Variants in RFC1 observed in about 807,000 individuals in gnomAD.
The protein encoded by RFC1 is A1 140 kDa subunit.
Under a neutral mutation model 137.4 loss-of-function variants are expected in RFC1, and 37 were observed. That is an observed-to-expected ratio of 0.27 (90% CI 0.21 to 0.35). RFC1 has a LOEUF of 0.35. Among genes scored for constraint, RFC1 ranks in the 10% least tolerant of loss-of-function variants. The pLI is 1.00. For synonymous variants in RFC1, 429 were observed against 455.7 expected (o/e 0.94, Z 0.75); for missense variants, 1,205 against 1,358.5 (o/e 0.89, Z 1.78).
In RFC1 at chr4:39,326,557, C is replaced by CA. The variant is rs1739777834; in HGVS notation, c.642+5dup. The CA allele has an allele frequency of 6.2e-7, 1 of 1,610,620 alleles. No homozygotes were observed. The highest frequency in any genetic ancestry group is 1.3e-5 in the African/African-American group (1 of 74,856). ...TTACTAATGATTCTAAGCAAAATGC[C>CA]AATACCTCCGCATCTTCATCAAGCT... On this transcript the variant is annotated splice_donor_region_variant and intron_variant, in intron 6 of 24. Transcript: ENST00000349703.
rs1004039007 is a variant in RFC1 at position 39,293,787 on chromosome 4, T to C, written c.2954+1827A>G. On this transcript the variant is annotated intron_variant, in intron 22 of 24. Coordinates refer to ENST00000349703, the MANE Select transcript of RFC1 (RefSeq NM_002913.5). The stretch of plus-strand genomic sequence containing the variant: ...CTACATGGAGTCTAGCGGGAGCATC[T>C]GAGAGGGCTACCCTAGGGCAGAGCA... 9.2e-5 allele frequency among the ~76,000 whole-genome samples: 14 copies of C among 152,190 alleles called. No individual in the cohort carries two copies. The East Asian group carries it at 2.7e-3, about 29-fold the overall frequency.
chr4:39,339,766 G>C (rs908734758), intron 4 of RFC1, among the ~76,000 whole-genome samples: 1 of 151,846 alleles, frequency 6.6e-6, no homozygotes, highest in African/African-American at 2.4e-5. Flanking sequence ...TCTCAATTCA[G>C]GCTAAAAGCA....
chr4:39,306,521 TAC>T, intron 14 of RFC1, 69 bp downstream of exon 14: 2 of 786,088 alleles, frequency 2.5e-6, no homozygotes, highest in South Asian at 2.9e-5. Flanking sequence ...CAGATGTGGG[TAC>T]ACACTTTTAT....
At chr4:39,340,786 G>C (rs1214900244) in intron 4 of RFC1, among the ~76,000 whole-genome samples, 1 of 151,964 alleles carries the variant, frequency 6.6e-6, no homozygotes, top group East Asian at 1.9e-4. Flanking sequence ...CAATAATAAA[G>C]CAAGCTTCTT....
At chr4:39,311,796 T>C (rs1030614492) in intron 11 of RFC1, among the ~76,000 whole-genome samples, 2 of 152,244 alleles carry the variant, frequency 1.3e-5, no homozygotes, top group African/African-American at 4.8e-5. Context: ...GGTCCATTTC[T>C]ACTTTTGTGG....
intron 3 of RFC1, 106 bp from the exon 4 acceptor site, chr4:39,342,573 G>A (rs2109732277): frequency 9.2e-7 from 1 of 1,087,276 alleles, no homozygotes; most frequent in Non-Finnish European, 1.3e-6. Context: ...CTTTTTCAAG[G>A]CACATGTCTT....
At chr4:39,299,214 T>C (rs1738205021) in intron 21 of RFC1, among the ~76,000 whole-genome samples, 1 of 152,218 alleles carries the variant, frequency 6.6e-6, no homozygotes, top group Non-Finnish European at 1.5e-5. Flanking sequence ...CCATAAGGGA[T>C]ACTTTCAGTT....
chr4:39,290,198 A>T (rs1214712240), intron 23 of RFC1, among the ~76,000 whole-genome samples, 159 bp from the exon 24 acceptor site: 1 of 152,086 alleles, frequency 6.6e-6, no homozygotes, highest in Non-Finnish European at 1.5e-5. Flanking sequence ...TTCTGTGGAT[A>T]AGTTCCATAT....
Position 39,289,897 on chromosome 4 carries a change from TGA to T in RFC1, c.3309_3310del (p.Gln1104IlefsTer2). On this transcript the variant is annotated frameshift_variant, in exon 24 of 25. Transcript: ENST00000349703. LOFTEE classifies it high-confidence loss of function. Reference sequence around the variant, plus strand: ...AGCATCTTGGTCTTTCTCATCAGATTGAGAGTCATCTTCATTTAATTCTTCAT... The same window carrying T: ...AGCATCTTGGTCTTTCTCATCAGATTGAGTCATCTTCATTTAATTCTTCAT... 1 of 1,613,456 alleles carries T rather than the reference TGA, an allele frequency of 6.2e-7. No homozygotes were observed. The highest frequency in any genetic ancestry group is 8.5e-7 in the Non-Finnish European group (1 of 1,179,394).
At chr4:39,351,252 GGAAAAAAAA>G (rs1741179169) in intron 2 of RFC1, 87 bp downstream of exon 2, 1 of 501,010 alleles carries the variant, frequency 2.0e-6, no homozygotes, top group Admixed American at 1.7e-4. Context: ...CTCTGTCTCA[GGAAAAAAAA>G]AAAAAAAAAA....
chr4:39,347,303 A>G (rs1362425262), intron 2 of RFC1, among the ~76,000 whole-genome samples: 2 of 152,230 alleles, frequency 1.3e-5, no homozygotes, highest in South Asian at 2.1e-4. Context: ...GAAAGCCTGG[A>G]AAGAACAAAG....
At chr4:39,302,978 G>A (rs1337706090) in intron 16 of RFC1, 82 bp downstream of exon 16, 2 of 1,450,614 alleles carry the variant, frequency 1.4e-6, no homozygotes, top group Non-Finnish European at 1.9e-6. Context: ...TGCCTTAACT[G>A]CCCTAAGTAT....
At chr4:39,345,526 CTTT>C (rs760892775) in intron 2 of RFC1, 50 bp from the exon 3 acceptor site, 12 of 1,163,958 alleles carry the variant, frequency 1.0e-5, no homozygotes, top group African/African-American at 1.6e-5. Flanking sequence ...ATATAACTAT[CTTT>C]TTTTTTTTTG....
At chr4:39,358,897 C>T (rs1046752062) in intron 1 of RFC1, among the ~76,000 whole-genome samples, 2 of 152,176 alleles carry the variant, frequency 1.3e-5, no homozygotes, top group Admixed American at 1.3e-4. Context: ...CATACCGATA[C>T]TTCCTAAATC....
chr4:39,301,026 G>A (rs1164264083), intron 19 of RFC1, among the ~76,000 whole-genome samples: 1 of 151,360 alleles, frequency 6.6e-6, no homozygotes, highest in African/African-American at 2.4e-5. Flanking sequence ...CCGGGAGGCA[G>A]AGGCTACAGT....
chr4:39,361,807 G>A (rs1284725236), intron 1 of RFC1, among the ~76,000 whole-genome samples: 1 of 152,248 alleles, frequency 6.6e-6, no homozygotes, highest in Non-Finnish European at 1.5e-5. Context: ...CCAGCACTTT[G>A]GGAGGCCGAG....
intron 1 of RFC1, among the ~76,000 whole-genome samples, chr4:39,362,093 G>A (rs537922405): frequency 2.8e-4 from 42 of 151,974 alleles, no homozygotes; most frequent in African/African-American, 9.6e-4. Context: ...AAATACTTAC[G>A]AATATATTTA....
At chr4:39,289,092 T>G (rs1465496442) in intron 24 of RFC1, among the ~76,000 whole-genome samples, 1 of 152,204 alleles carries the variant, frequency 6.6e-6, no homozygotes, top group African/African-American at 2.4e-5. Flanking sequence ...CCGTTCCCCA[T>G]GTAAGACAGT....
At chr4:39,343,118 G>A (rs545466528) in intron 3 of RFC1, among the ~76,000 whole-genome samples, 41 of 152,276 alleles carry the variant, frequency 2.7e-4, no homozygotes, top group African/African-American at 9.9e-4. Context: ...TGCCTTCCAG[G>A]TTCAAGCGAT....
Sources: gnomAD v4.1 joint callset for allele counts (sites outside exome capture counted in the v4.1 genomes callset) on GRCh38, gnomAD v4.1.1 for gene constraint, MANE v1.5 for transcripts, NCBI Gene and HGNC (gene_info 2026-07-23, HGNC 2026-07-21) for gene names.